Variants in CACNA1A observed in about 807,000 individuals in gnomAD.
The protein encoded by CACNA1A is calcium voltage-gated channel subunit alpha1 A, also known as voltage-dependent P/Q-type calcium channel subunit alpha-1A.
CACNA1A carries 57 observed loss-of-function variants against 262.4 expected under a neutral mutation model. The observed-to-expected ratio is 0.22, with a 90% CI of 0.18 to 0.27. CACNA1A has a LOEUF of 0.27. Ranked by LOEUF, CACNA1A falls within the 10% of genes least tolerant of loss-of-function variation. The pLI, the probability that CACNA1A is intolerant of heterozygous loss-of-function variation, is 1.00. For synonymous variants in CACNA1A, 1,431 were observed against 1,419.3 expected (o/e 1.01, Z -0.18); for missense variants, 2,526 against 3,562.8 (o/e 0.71, Z 7.41).
In CACNA1A at chr19:13,230,998, T is replaced by G. The variant is rs527389657; in HGVS notation, c.5400+712A>C. On this transcript the variant is annotated intron_variant, in intron 35 of 46. Coordinates refer to ENST00000360228, the MANE Select transcript of CACNA1A (RefSeq NM_001127222.2). Reference sequence around the variant, plus strand: ...TCTTCCCTCGCAATGTTTTTTTTTTTTTTGTTTGTTTTTGTTTGTTTTTGA... The same window carrying G: ...TCTTCCCTCGCAATGTTTTTTTTTTGTTTGTTTGTTTTTGTTTGTTTTTGA... Among the ~76,000 whole-genome samples the G allele has an allele frequency of 5.8e-3, 757 of 129,670 alleles. 11 individuals carry two copies. Among genetic ancestry groups the G allele is most frequent in the South Asian group, 0.026 (99 of 3,858 alleles). The allele number at this position is 129,670 out of a possible 152,430, so 85.1% of individuals were successfully genotyped here. A position where few individuals can be genotyped will look rare whatever the true frequency, so the allele number is the denominator to read the frequency against.
chr19:13,477,939 ATCT>A, intron 1 of CACNA1A, among the ~76,000 whole-genome samples: 1 of 152,278 alleles, frequency 6.6e-6, no homozygotes, highest in East Asian at 1.9e-4. Context: ...CGTGACAGTC[ATCT>A]TCTCATCACC....
chr19:13,211,931 G>A, intron 43 of CACNA1A, 172 bp downstream of exon 43: 1 of 590,996 alleles, frequency 1.7e-6, no homozygotes, highest in Non-Finnish European at 3.0e-6. Context: ...AGGTGCTCCA[G>A]GTGTGACCAG....
chr19:13,419,115 G>A (rs149130269), intron 3 of CACNA1A, among the ~76,000 whole-genome samples: 8,484 of 152,140 alleles, frequency 0.056, 467 homozygotes, highest in East Asian at 0.25. Context: ...GGCTGGGCTC[G>A]AACTCCTGAC....
intron 10 of CACNA1A, among the ~76,000 whole-genome samples, chr19:13,318,610 G>T (rs577978627): frequency 6.6e-6 from 1 of 152,224 alleles, no homozygotes; most frequent in Non-Finnish European, 1.5e-5. Flanking sequence ...ACCCATCCAG[G>T]CAAGTGATGA....
chr19:13,208,366 G>T (rs1052239883), intron 46 of CACNA1A, among the ~76,000 whole-genome samples: 12 of 152,084 alleles, frequency 7.9e-5, no homozygotes, highest in African/African-American at 2.9e-4. Flanking sequence ...AAAAATAGCA[G>T]AAGTTTCAAA....
intron 1 of CACNA1A, among the ~76,000 whole-genome samples, chr19:13,486,783 A>C (rs1980053812): frequency 6.7e-6 from 1 of 149,988 alleles, no homozygotes. Flanking sequence ...CCTTCCTTGC[A>C]CTTCCTCCAT....
At chr19:13,301,447 T>G (rs1025930509) in intron 17 of CACNA1A, among the ~76,000 whole-genome samples, 4 of 152,052 alleles carry the variant, frequency 2.6e-5, no homozygotes, top group Non-Finnish European at 5.9e-5. Context: ...GGAGAGGAAT[T>G]TATATTCCCA....
chr19:13,484,480 A>G (rs1271821658), intron 1 of CACNA1A, among the ~76,000 whole-genome samples: 1 of 152,184 alleles, frequency 6.6e-6, no homozygotes, highest in Non-Finnish European at 1.5e-5. Flanking sequence ...GAGAGAGGGG[A>G]AAAATCATGC....
chr19:13,318,310 A>G (rs2058169398), intron 10 of CACNA1A, among the ~76,000 whole-genome samples: 1 of 152,110 alleles, frequency 6.6e-6, no homozygotes, highest in African/African-American at 2.4e-5. Flanking sequence ...TCTGCCCGAC[A>G]TTTTTGGGGA....
chr19:13,207,280 T>TG lies in CACNA1A; in HGVS notation c.*32dup, dbSNP rs747048875. The TG allele has an allele frequency of 3.1e-5, 47 of 1,521,614 alleles. No individual in the cohort carries two copies. The South Asian group carries it at 3.8e-4, about 12-fold the overall frequency. The allele number at this position is 1,521,614 out of a possible 1,614,324, so 94.3% of individuals were successfully genotyped here. Reference sequence around the variant, plus strand: ...GGGTGGGGTGTGTGCGTGGGGTGCGTGGGGGGCCGGGCGGGCGCCACCTCG... The same window carrying TG: ...GGGTGGGGTGTGTGCGTGGGGTGCGTGGGGGGGCCGGGCGGGCGCCACCTCG... On this transcript the variant is annotated 3_prime_UTR_variant, in exon 47 of 47. Coordinates refer to ENST00000360228, the MANE Select transcript of CACNA1A (RefSeq NM_001127222.2). The surrounding 1 kb of genome is among the most constrained non-coding windows in gnomAD (Gnocchi z 5.7).
chr19:13,266,132 C>T (rs2056855991), intron 24 of CACNA1A, among the ~76,000 whole-genome samples: 1 of 152,172 alleles, frequency 6.6e-6, no homozygotes, highest in Non-Finnish European at 1.5e-5. Flanking sequence ...GTGTGAGCCA[C>T]CATGTCTGGC....
intron 3 of CACNA1A, among the ~76,000 whole-genome samples, chr19:13,390,050 C>T (rs1244798108): frequency 6.6e-6 from 1 of 151,788 alleles, no homozygotes; most frequent in Non-Finnish European, 1.5e-5. Flanking sequence ...CCTGACCTCA[C>T]AATCTGCCCA....
chr19:13,241,508 A>C lies in CACNA1A; in HGVS notation c.4950+3674T>G. On this transcript the variant is annotated intron_variant, in intron 31 of 46. Coordinates refer to ENST00000360228, the MANE Select transcript of CACNA1A (RefSeq NM_001127222.2). This position sits in a 1 kb window ranked among gnomAD's most constrained non-coding sequence, Gnocchi z 4.0. ...TGTAAGGCATTTAGACTTCAGAAAG[A>C]AGTAAGACCAACCGGATTCTAGATG... is the stretch of plus-strand genomic sequence containing the variant. 1 of 1,510,894 alleles carries C rather than the reference A, an allele frequency of 6.6e-7. No individual in the cohort carries two copies. The highest frequency in any genetic ancestry group is 8.9e-7 in the Non-Finnish European group (1 of 1,120,708). The allele number at this position is 1,510,894 out of a possible 1,614,324, so 93.6% of individuals were successfully genotyped here. A position where few individuals can be genotyped will look rare whatever the true frequency, so the allele number is the denominator to read the frequency against.
In CACNA1A at chr19:13,261,740, A is replaced by G. The variant is rs138183622; in HGVS notation, c.4090-130T>C. 342 of 880,398 alleles carry G rather than the reference A, an allele frequency of 3.9e-4. No homozygotes were observed. In the African/African-American group the frequency reaches 4.5e-3, roughly 12 times the overall value. The allele number at this position is 880,398 out of a possible 1,614,324, so 54.5% of individuals were successfully genotyped here. On this transcript the variant is annotated intron_variant, in intron 25 of 46. Coordinates refer to ENST00000360228, the MANE Select transcript of CACNA1A (RefSeq NM_001127222.2). ...TACAGGCAAGGTCATAAGTCAAGTC[A>G]CTAGGGTAAGGTCCCCCCAGCTTTC...
At chr19:13,389,656 A>G (rs1418809989) in intron 3 of CACNA1A, among the ~76,000 whole-genome samples, 7 of 152,144 alleles carry the variant, frequency 4.6e-5, no homozygotes. Flanking sequence ...TTTGAGTACC[A>G]TGTCATAGGC....
Position 13,207,933 on chromosome 19 carries a change from G to C in CACNA1A, c.6901C>G (p.Pro2301Ala), listed in dbSNP as rs1351010453. 3.5e-6 allele frequency: 5 copies of C among 1,443,956 alleles called. No homozygotes were observed. The South Asian group carries it at 7.3e-5, about 21-fold the overall frequency. The allele number at this position is 1,443,956 out of a possible 1,614,324, so 89.4% of individuals were successfully genotyped here. Residue 2301 changes from proline to alanine, a missense_variant, in exon 47 of 47, where the codon CCT becomes GCT. Coordinates refer to ENST00000360228, the MANE Select transcript of CACNA1A (RefSeq NM_001127222.2). The surrounding 1 kb of genome is among the most constrained non-coding windows in gnomAD (Gnocchi z 5.7). ...GAGCCGCCGGCCTTACGGATCACAG[G>C]GGAATAGGACACGTGTGGCCGGGGG... Reference protein sequence around the residue: ...STPRPHVSYSPVIRKAGGSGP... With the variant: ...STPRPHVSYSAVIRKAGGSGP...
rs1026838185 is a variant in CACNA1A, at chr19:13,236,154, G to A, written c.4951-424C>T. ...AACAACCAAATGCACTGAGACGAAAGGACACAAGCCGGTCAAGTTGCGGAA... is the reference window on the plus strand; with the variant it reads ...AACAACCAAATGCACTGAGACGAAAAGACACAAGCCGGTCAAGTTGCGGAA... On this transcript the variant is annotated intron_variant, in intron 31 of 46. Coordinates refer to ENST00000360228, the MANE Select transcript of CACNA1A (RefSeq NM_001127222.2). The surrounding 1 kb of genome is among the most constrained non-coding windows in gnomAD (Gnocchi z 4.6). Among the ~76,000 whole-genome samples the A allele has an allele frequency of 8.6e-5, 13 of 151,516 alleles. No homozygotes were observed. The highest frequency in any genetic ancestry group is 2.9e-5 in the Non-Finnish European group (2 of 67,930).
Position 13,317,015 on chromosome 19 carries a change from C to A in CACNA1A, c.1555+97G>T, listed in dbSNP as rs537503561. 1.2e-5 allele frequency: 9 copies of A among 758,466 alleles called. No homozygotes were observed. The South Asian group carries it at 1.7e-4, about 14-fold the overall frequency. The allele number at this position is 758,466 out of a possible 1,614,324, so 47.0% of individuals were successfully genotyped here. A position where few individuals can be genotyped will look rare whatever the true frequency, so the allele number is the denominator to read the frequency against. ...AGGAAAGGGCAGATTCAATGAGGACCAAAGAAGATACACATACTACCAGAG... is the reference window on the plus strand; with the variant it reads ...AGGAAAGGGCAGATTCAATGAGGACAAAAGAAGATACACATACTACCAGAG... On this transcript the variant is annotated intron_variant, in intron 11 of 46. Transcript: ENST00000360228.
Position 13,285,069 on chromosome 19 carries a change from G to A in CACNA1A, c.3691C>T (p.Pro1231Ser), listed in dbSNP as rs372070025. The A allele has an allele frequency of 6.2e-7, 1 of 1,613,962 alleles. No homozygotes were observed. Among genetic ancestry groups the A allele is most frequent in the Non-Finnish European group, 8.5e-7 (1 of 1,179,874 alleles). ...SSMFILSTTN[P>S]LRRLCHYILN... Reference sequence around the variant, plus strand: ...GCCCTTGCTGGGGGCCATACTCACGGGTTGGTCGTGGACAGGATGAACATG... The same window carrying A: ...GCCCTTGCTGGGGGCCATACTCACGAGTTGGTCGTGGACAGGATGAACATG... The change falls in exon 21 of 47, where the codon CCC (proline) becomes TCC (serine). Residue 1231 changes from proline (P) to serine (S), a missense_variant and splice_region_variant. Transcript: ENST00000360228.
Sources: allele counts gnomAD v4.1 joint callset (sites outside exome capture counted in the v4.1 genomes callset), GRCh38; gene constraint gnomAD v4.1.1; non-coding constraint Gnocchi (gnomAD v3.1); transcripts MANE v1.5; gene names NCBI Gene and HGNC (gene_info 2026-07-23, HGNC 2026-07-21).